TERT: variants seen among roughly 807,000 people sequenced by gnomAD.
TERT encodes telomerase catalytic subunit.
A neutral mutation model predicts 104.0 loss-of-function variants in TERT; 42 were observed. That is an observed-to-expected ratio of 0.40 (90% confidence interval 0.32 to 0.52). TERT has a LOEUF of 0.52. Ranked by LOEUF, TERT falls within the 20% of genes least tolerant of loss-of-function variation. The probability of loss-of-function intolerance (pLI) is 0.43; values close to 1 mark genes in which losing one functional copy is unlikely to be tolerated. For missense variants in TERT, 1,101 were observed against 1,610.3 expected, an observed-to-expected ratio of 0.68 and a Z score of 5.41; for synonymous variants, 781 against 725.6, an observed-to-expected ratio of 1.08 and a Z score of -1.23.
rs483352771 is a variant in TERT at position 1,272,213 on chromosome 5, G to C, written c.2354C>G (p.Pro785Arg). Reference protein sequence around the residue: ...QFVAHLQETSPLRDAVVIEQS... With the variant: ...QFVAHLQETSRLRDAVVIEQS... ...CTCGATGACGACGGCATCCCTCAGC[G>C]GGCTGGTCTCCTGCAGGTGAGCCAC... is the stretch of plus-strand genomic sequence containing the variant. The change falls in exon 7 of 16, where the codon CCG (proline) becomes CGG (arginine). Residue 785 changes from proline to arginine, a missense_variant. Coordinates refer to ENST00000310581, the MANE Select transcript of TERT (RefSeq NM_198253.3). The C allele has an allele frequency of 3.7e-6, 6 of 1,612,742 alleles. No homozygotes were observed. The highest frequency in any genetic ancestry group is 4.2e-6 in the Non-Finnish European group (5 of 1,179,856).
At chr5:1,279,230 C>G in intron 5 of TERT, 61 bp downstream of exon 5, 1 of 1,523,174 alleles carries the variant, frequency 6.6e-7, no homozygotes. Flanking sequence ...ACATGAGGTG[C>G]CAATCAGGCA....
chr5:1,280,359 G>A, intron 3 of TERT, 21 bp from the exon 4 acceptor site: 1 of 1,610,366 alleles, frequency 6.2e-7, no homozygotes, highest in Non-Finnish European at 8.5e-7. Context: ...GAGCCCCTCA[G>A]GAGGCTTGCT....
At chr5:1,284,861 C>T (rs35029535) in intron 2 of TERT, among the ~76,000 whole-genome samples, 42,010 of 134,500 alleles carry the variant, frequency 0.31, 6,900 homozygotes, top group Non-Finnish European at 0.4. Context: ...GCTCACCGCA[C>T]GGTCTGGCAC....
rs558031187 is a variant in TERT at position 1,287,004 on chromosome 5, T to C, written c.1574-4380A>G. ...ACACACACTCGGCAGGAAACGCACA[T>C]GGCAACCCAAGAGGTGGTGAGAAAC... On this transcript the variant is annotated intron_variant, in intron 2 of 15. Transcript: ENST00000310581. The surrounding 1 kb of genome is among the most constrained non-coding windows in gnomAD (Gnocchi z 4.3). Among the ~76,000 whole-genome samples, 1 of 152,144 alleles carries C rather than the reference T, an allele frequency of 6.6e-6. No individual in the cohort carries two copies. Among genetic ancestry groups the C allele is most frequent in the African/African-American group, 2.4e-5 (1 of 41,496 alleles).
rs915422897 is a variant in TERT, at chr5:1,268,621, C to T, written c.2481G>A (p.Gln827=). The stretch of plus-strand genomic sequence containing the variant: ...TGGAGCCCTGCGGGATCCCCTGGCA[C>T]TGGACGTAGGACCTGGGGCGGGAAG... ...AVRIRGKSYV[Q]CQGIPQGSIL... is the part of the protein sequence containing the mutation. The change falls in exon 9 of 16, where the codon CAG becomes CAA. Residue 827 remains glutamine, a synonymous_variant. Coordinates refer to ENST00000310581, the MANE Select transcript of TERT (RefSeq NM_198253.3). The surrounding 1 kb of genome is among the most constrained non-coding windows in gnomAD (Gnocchi z 5.5). The T allele has an allele frequency of 6.8e-6, 11 of 1,612,662 alleles. No individual in the cohort carries two copies. Among genetic ancestry groups the T allele is most frequent in the Non-Finnish European group, 9.3e-6 (11 of 1,179,478 alleles).
chr5:1,253,922 G>T, intron 15 of TERT, 91 bp from the exon 16 acceptor site: 2 of 1,377,868 alleles, frequency 1.5e-6, no homozygotes, highest in Non-Finnish European at 2.0e-6. Flanking sequence ...GGGCAGGCAG[G>T]GCCTGCACCT....
In TERT at chr5:1,262,915, A is replaced by G. The variant is rs931917175; in HGVS notation, c.2843+1489T>C. On this transcript the variant is annotated intron_variant, in intron 11 of 15. Transcript: ENST00000310581. This position sits in a 1 kb window ranked among gnomAD's most constrained non-coding sequence, Gnocchi z 5.6. ...CTGGGAGAGGCGAAGAGGTGCTGGG[A>G]GCCCAGGAAATGTGGAAATCATGCA... is the stretch of plus-strand genomic sequence containing the variant. Among the ~76,000 whole-genome samples, 7 of 152,216 alleles carry G rather than the reference A, an allele frequency of 4.6e-5. No homozygotes were observed. Among genetic ancestry groups the G allele is most frequent in the African/African-American group, 1.7e-4 (7 of 41,444 alleles).
chr5:1,272,335 TG>T (rs928855853), intron 6 of TERT, 55 bp from the exon 7 acceptor site: 61 of 1,450,198 alleles, frequency 4.2e-5, no homozygotes, highest in Non-Finnish European at 5.8e-5. Flanking sequence ...CGGCCAGAGC[TG>T]GGCACTTGTT....
intron 8 of TERT, 68 bp downstream of exon 8, chr5:1,271,051 G>A (rs1272085278): frequency 7.9e-7 from 1 of 1,273,022 alleles, no homozygotes; most frequent in Non-Finnish European, 1.1e-6. Context: ...GCAGGAGAGA[G>A]GTGAGCAGAA....
rs1060504790 is a variant in TERT at position 1,293,599 on chromosome 5, C to T, written c.1287G>A (p.Glu429=). Residue 429 remains glutamate, a synonymous_variant, in exon 2 of 16, where the codon GAG becomes GAA. Coordinates refer to ENST00000310581, the MANE Select transcript of TERT (RefSeq NM_198253.3). ...GGGCCGCCACAGAGCCCTGGGGCTT[C>T]TCCCGGGCACAGACACCGGCTGCTG... The part of the protein sequence containing the change: ...VTPAAGVCAR[E]KPQGSVAAPE... 1 of 1,548,170 alleles carries T rather than the reference C, an allele frequency of 6.5e-7. No homozygotes were observed. Among genetic ancestry groups the T allele is most frequent in the Non-Finnish European group, 8.7e-7 (1 of 1,145,120 alleles).
Position 1,253,524 on chromosome 5 carries a change from C to T in TERT, c.*204G>A. 1.6e-6 allele frequency: 1 copy of T among 613,206 alleles called. No homozygotes were observed. Among genetic ancestry groups the T allele is most frequent in the Admixed American group, 2.6e-5 (1 of 37,902 alleles). 38.0% of individuals were successfully genotyped at this position (613,206 alleles called of 1,614,324 possible). On this transcript the variant is annotated 3_prime_UTR_variant, in exon 16 of 16. Transcript: ENST00000310581. ...GACGGCAGGTGTGCTGGACACTCAG[C>T]CCTTGGCTGGACACTCGCTCAGGCC... is the stretch of plus-strand genomic sequence containing the variant.
At position 1,268,946 on chromosome 5, in the gene TERT, T is replaced by C. The variant is rs1748826040; in HGVS notation, c.2469-313A>G. 6.6e-6 allele frequency among the ~76,000 whole-genome samples: 1 copy of C among 151,986 alleles called. No individual in the cohort carries two copies. On this transcript the variant is annotated intron_variant, in intron 8 of 15. Transcript: ENST00000310581. This position sits in a 1 kb window ranked among gnomAD's most constrained non-coding sequence, Gnocchi z 5.5. ...GAGTTTATTCACAGAACCAGACACT[T>C]GACCCGGAATGAATGCTTAACCGGA...
intron 5 of TERT, 81 bp from the exon 6 acceptor site, chr5:1,278,877 C>A (rs562209181): frequency 6.3e-7 from 1 of 1,583,416 alleles, no homozygotes; most frequent in Admixed American, 1.7e-5. Context: ...CCTGGCCTGG[C>A]GGTGTCCCCC....
rs1751061695 is a variant in TERT at position 1,292,539 on chromosome 5, T to G, written c.1573+774A>C. Reference sequence around the variant, plus strand: ...ACACTTTTTTTTTTTAAAGACAGAGTTTCACTCTTGTCGCCCAGGCTGGAG... The same window carrying G: ...ACACTTTTTTTTTTTAAAGACAGAGGTTCACTCTTGTCGCCCAGGCTGGAG... On this transcript the variant is annotated intron_variant, in intron 2 of 15. Transcript: ENST00000310581. The surrounding 1 kb of genome is among the most constrained non-coding windows in gnomAD (Gnocchi z 5.5). Among the ~76,000 whole-genome samples the G allele has an allele frequency of 6.6e-6, 1 of 151,590 alleles. No individual in the cohort carries two copies. The highest frequency in any genetic ancestry group is 2.1e-4 in the South Asian group (1 of 4,796).
In TERT at chr5:1,293,840, G is replaced by A. The variant is rs904848231; in HGVS notation, c.1046C>T (p.Ser349Phe). ...EQLRPSFLLS[S>F]LRPSLTGARR... ...AGCGCCAGTCAGGCTGGGCCTCAGA[G>A]AGCTGAGTAGGAAGGAGGGCCGCAG... The change falls in exon 2 of 16, where the codon TCT (serine) becomes TTT (phenylalanine). Residue 349 changes from serine (S) to phenylalanine (F), a missense_variant. Ser to Phe is a radical substitution (Grantham distance 155). This residue lies in a region of TERT where 504 missense variants were observed against 544.6 expected (regional missense o/e 0.93). Transcript: ENST00000310581. 2 of 1,548,606 alleles carry A rather than the reference G, an allele frequency of 1.3e-6. No homozygotes were observed. Among genetic ancestry groups the A allele is most frequent in the Admixed American group, 2.0e-5 (1 of 51,018 alleles).
rs919444649 is a variant in TERT, at chr5:1,270,225, T to A, written c.2468+894A>T. On this transcript the variant is annotated intron_variant, in intron 8 of 15. Transcript: ENST00000310581. The surrounding 1 kb of genome is among the most constrained non-coding windows in gnomAD (Gnocchi z 8.3). ...CTTTAATAAATATTATAATTGCTGATACCATTAGTGATTACTTATAATGCA... is the reference window on the plus strand; with the variant it reads ...CTTTAATAAATATTATAATTGCTGAAACCATTAGTGATTACTTATAATGCA... 2.4e-4 allele frequency among the ~76,000 whole-genome samples: 36 copies of A among 152,358 alleles called. No homozygotes were observed. Among genetic ancestry groups the A allele is most frequent in the African/African-American group, 8.2e-4 (34 of 41,592 alleles).
chr5:1,265,029 C>T lies in TERT; in HGVS notation c.2655-437G>A, dbSNP rs1206485303. Among the ~76,000 whole-genome samples the T allele has an allele frequency of 6.6e-6, 1 of 152,250 alleles. No individual in the cohort carries two copies. Among genetic ancestry groups the T allele is most frequent in the Non-Finnish European group, 1.5e-5 (1 of 68,046 alleles). On this transcript the variant is annotated intron_variant, in intron 10 of 15. Coordinates refer to ENST00000310581, the MANE Select transcript of TERT (RefSeq NM_198253.3). This position sits in a 1 kb window ranked among gnomAD's most constrained non-coding sequence, Gnocchi z 6.9. ...GACTTTGCCTGTTTTCTCCTAGATG[C>T]CCTGAAGGCATCTGCTGTGCTTTAG...
At chr5:1,258,542 A>G in intron 13 of TERT, 56 bp downstream of exon 13, 2 of 1,498,134 alleles carry the variant, frequency 1.3e-6, no homozygotes, top group South Asian at 2.4e-5. Flanking sequence ...GTCAGAGGTG[A>G]GCAGAGCGCG....
At chr5:1,272,328 C>T (rs367564081) in intron 6 of TERT, 48 bp from the exon 7 acceptor site, 9 of 1,497,772 alleles carry the variant, frequency 6.0e-6, no homozygotes, top group Non-Finnish European at 7.4e-6. Context: ...CCTGCCCCGG[C>T]CAGAGCTGGG....
Sources: allele counts gnomAD v4.1 joint callset (sites outside exome capture counted in the v4.1 genomes callset), GRCh38; gene constraint gnomAD v4.1.1; regional missense constraint gnomAD v4.1.1; non-coding constraint Gnocchi (gnomAD v3.1); transcripts MANE v1.5; gene names NCBI Gene and HGNC (gene_info 2026-07-23, HGNC 2026-07-21).